CNTNAP2: variants seen among roughly 807,000 people sequenced by gnomAD.
CNTNAP2 encodes contactin-associated protein-like 2.
A neutral mutation model predicts 155.2 loss-of-function variants in CNTNAP2; 98 were observed. The observed-to-expected ratio is 0.63, with a 90% CI of 0.54 to 0.75. The LOEUF is 0.75. Ranked by LOEUF, CNTNAP2 falls within the 30% of genes least tolerant of loss-of-function variation. The pLI is 0.00. For synonymous variants in CNTNAP2, 651 were observed against 631.2 expected (o/e 1.03, Z -0.47); for missense variants, 1,727 against 1,688.1 (o/e 1.02, Z -0.40).
intron 12 of CNTNAP2, among the ~76,000 whole-genome samples, chr7:147,567,622 C>T (rs545739268): frequency 2.0e-4 from 30 of 152,132 alleles, no homozygotes; most frequent in African/African-American, 7.2e-4. Context: ...CCTGATGAGA[C>T]AGAGAAAGTT....
intron 21 of CNTNAP2, among the ~76,000 whole-genome samples, chr7:148,315,039 G>A (rs1449799912): frequency 2.0e-5 from 3 of 152,194 alleles, no homozygotes; most frequent in Non-Finnish European, 4.4e-5. Context: ...GGAGAAGAGA[G>A]TAAAAAGAGG....
intron 1 of CNTNAP2, among the ~76,000 whole-genome samples, chr7:146,745,203 G>A (rs1433190256): frequency 1.3e-5 from 2 of 152,186 alleles, no homozygotes; most frequent in East Asian, 1.9e-4. Context: ...GGACCAAAAT[G>A]GATTTAAGTT....
chr7:148,411,388 C>T (rs1799834186), intron 23 of CNTNAP2, among the ~76,000 whole-genome samples: 1 of 152,146 alleles, frequency 6.6e-6, no homozygotes, highest in Admixed American at 6.5e-5. Context: ...GCTTCAGCCT[C>T]CTGAGTAGCT....
intron 1 of CNTNAP2, among the ~76,000 whole-genome samples, chr7:146,214,155 G>C (rs1584805530): frequency 6.6e-6 from 1 of 152,138 alleles, no homozygotes; most frequent in African/African-American, 2.4e-5. Flanking sequence ...TCTTAAAGAA[G>C]GACTCTCATA....
chr7:146,558,037 T>C (rs888862795), intron 1 of CNTNAP2, among the ~76,000 whole-genome samples: 1 of 152,202 alleles, frequency 6.6e-6, no homozygotes, highest in African/African-American at 2.4e-5. Context: ...TTTTTAGTAC[T>C]GTGACAAACT....
At chr7:146,591,299 A>G (rs1449396871) in intron 1 of CNTNAP2, among the ~76,000 whole-genome samples, 1 of 152,202 alleles carries the variant, frequency 6.6e-6, no homozygotes, top group Non-Finnish European at 1.5e-5. Flanking sequence ...GATGAGGGAT[A>G]CTCAGCCTGT....
intron 4 of CNTNAP2, chr7:147,082,644 C>G (rs529607191): frequency 6.6e-6 from 1 of 152,244 alleles, no homozygotes; most frequent in Admixed American, 6.5e-5. Flanking sequence ...TTTGAAAGAT[C>G]ACAATTGTCA....
intron 10 of CNTNAP2, among the ~76,000 whole-genome samples, chr7:147,401,491 C>T (rs1796911333): frequency 6.6e-6 from 1 of 151,790 alleles, no homozygotes; most frequent in Admixed American, 6.6e-5. Flanking sequence ...TTCATAAGAA[C>T]ATTTAAATGA....
intron 2 of CNTNAP2, among the ~76,000 whole-genome samples, chr7:146,781,236 A>AC (rs1554480111): frequency 1.3e-5 from 2 of 151,504 alleles, no homozygotes; most frequent in Non-Finnish European, 2.9e-5. Flanking sequence ...TCAAAAAAAA[A>AC]AAAACAAAAA....
intron 20 of CNTNAP2, among the ~76,000 whole-genome samples, chr7:148,230,575 C>T (rs1795943905): frequency 6.6e-6 from 1 of 152,182 alleles, no homozygotes; most frequent in South Asian, 2.1e-4. Context: ...GGTTCAGCAG[C>T]CTCTCAGACC....
intron 4 of CNTNAP2, among the ~76,000 whole-genome samples, chr7:147,106,848 T>C (rs1800776079): frequency 6.6e-6 from 1 of 152,136 alleles, no homozygotes; most frequent in Non-Finnish European, 1.5e-5. Context: ...GGTGGTATGC[T>C]CCACTTACAA....
chr7:146,554,612 A>G (rs1798169656), intron 1 of CNTNAP2, among the ~76,000 whole-genome samples: 1 of 152,178 alleles, frequency 6.6e-6, no homozygotes, highest in Admixed American at 6.5e-5. Flanking sequence ...ATAATGTTTA[A>G]AAGATTTTTG....
intron 8 of CNTNAP2, among the ~76,000 whole-genome samples, chr7:147,272,623 C>T (rs1017165380): frequency 1.1e-4 from 16 of 151,766 alleles, no homozygotes; most frequent in Non-Finnish European, 2.2e-4. Context: ...CTCAGCCTCT[C>T]GAGTAGCTGG....
At chr7:146,486,062 T>G (rs1164323313) in intron 1 of CNTNAP2, among the ~76,000 whole-genome samples, 1 of 108,310 alleles carries the variant, frequency 9.2e-6, no homozygotes, top group Non-Finnish European at 1.9e-5. Flanking sequence ...TTTTTTTTTT[T>G]TTTTTTTTTT....
intron 1 of CNTNAP2, among the ~76,000 whole-genome samples, chr7:146,135,629 G>T (rs1797786188): frequency 6.6e-6 from 1 of 151,968 alleles, no homozygotes; most frequent in African/African-American, 2.4e-5. Context: ...CCAATAACAA[G>T]TGCCTAACTA....
chr7:147,225,005 A>C (rs1184763117), intron 8 of CNTNAP2, among the ~76,000 whole-genome samples: 3 of 152,176 alleles, frequency 2.0e-5, no homozygotes, highest in African/African-American at 7.2e-5. Context: ...TTCCTTGTCC[A>C]GTATGTTGTG....
At chr7:147,021,711 T>C (rs969905274) in intron 3 of CNTNAP2, among the ~76,000 whole-genome samples, 1 of 152,202 alleles carries the variant, frequency 6.6e-6, no homozygotes, top group Admixed American at 6.5e-5. Flanking sequence ...TTCAACAAAC[T>C]TAATCTTATT....
chr7:147,080,380 A>G (rs1272734939), intron 4 of CNTNAP2, among the ~76,000 whole-genome samples: 3 of 152,104 alleles, frequency 2.0e-5, no homozygotes, highest in Non-Finnish European at 4.4e-5. Flanking sequence ...TCGTATCCAG[A>G]CCCAGGCATA....
chr7:147,307,198 A>G (rs1189934792), intron 9 of CNTNAP2, among the ~76,000 whole-genome samples: 1 of 152,206 alleles, frequency 6.6e-6, no homozygotes, highest in African/African-American at 2.4e-5. Flanking sequence ...ATCGATATAC[A>G]TTAAATCCCT....
Sources: gnomAD v4.1 joint callset for allele counts (sites outside exome capture counted in the v4.1 genomes callset) on GRCh38, gnomAD v4.1.1 for gene constraint, MANE v1.5 for transcripts, NCBI Gene and HGNC (gene_info 2026-07-23, HGNC 2026-07-21) for gene names.